The following TRAPPC9 variants were observed in gnomAD, a reference collection of about 807,000 sequenced individuals.
TRAPPC9 encodes IKK2 binding protein.
TRAPPC9 carries 83 observed loss-of-function variants against 124.0 expected under a neutral mutation model. The ratio of observed to expected loss-of-function variants is 0.67; its 90% CI spans 0.56 to 0.80. The LOEUF (loss-of-function observed/expected upper bound fraction) is 0.80. TRAPPC9 is among the 30% of genes least tolerant of loss of function. The pLI is 0.00. For synonymous variants in TRAPPC9, 638 were observed against 617.5 expected (o/e 1.03, Z -0.49); for missense variants, 1,302 against 1,508.3 (o/e 0.86, Z 2.27).
intron 13 of TRAPPC9, among the ~76,000 whole-genome samples, 168 bp downstream of exon 13, chr8:140,287,440 C>G (rs139973222): frequency 2.0e-5 from 3 of 152,090 alleles, no homozygotes; most frequent in African/African-American, 7.2e-5. Flanking sequence ...CCACACATCC[C>G]GCACCCCACG....
Position 139,742,331 on chromosome 8 carries a change from G to A in TRAPPC9, c.3056-10129C>T, listed in dbSNP as rs929984396. Among the ~76,000 whole-genome samples the A allele has an allele frequency of 6.6e-6, 1 of 152,212 alleles. No homozygotes were observed. Among genetic ancestry groups the A allele is most frequent in the Non-Finnish European group, 1.5e-5 (1 of 68,048 alleles). ...AGCCCAGCTTCGCCCCACCAGCCTGGGACAGCTGTTTGGAATGGCCCTTCT... is the reference window on the plus strand; with the variant it reads ...AGCCCAGCTTCGCCCCACCAGCCTGAGACAGCTGTTTGGAATGGCCCTTCT... On this transcript the variant is annotated intron_variant, in intron 21 of 22. Coordinates refer to ENST00000438773, the MANE Select transcript of TRAPPC9 (RefSeq NM_001160372.4). The surrounding 1 kb of genome is among the most constrained non-coding windows in gnomAD (Gnocchi z 4.7).
At chr8:140,242,236 T>A (rs1018857721) in intron 16 of TRAPPC9, among the ~76,000 whole-genome samples, 1 of 152,068 alleles carries the variant, frequency 6.6e-6, no homozygotes, top group Non-Finnish European at 1.5e-5. Context: ...GAGAAAACTG[T>A]AAGACACACC....
At chr8:139,804,345 C>T (rs951697042) in intron 21 of TRAPPC9, among the ~76,000 whole-genome samples, 4 of 138,326 alleles carry the variant, frequency 2.9e-5, no homozygotes, top group African/African-American at 1.1e-4. Context: ...CCACCACCAC[C>T]GCCACCAAGC....
intron 17 of TRAPPC9, among the ~76,000 whole-genome samples, chr8:140,172,828 C>T (rs535866351): frequency 1.0e-3 from 154 of 152,274 alleles, no homozygotes; most frequent in African/African-American, 3.6e-3. Context: ...AACTGTGATT[C>T]GGTGAGATTC....
At chr8:140,214,255 C>A (rs1234810680) in intron 17 of TRAPPC9, among the ~76,000 whole-genome samples, 1 of 152,210 alleles carries the variant, frequency 6.6e-6, no homozygotes, top group African/African-American at 2.4e-5. Context: ...ATATCCAACT[C>A]AGAGGGTAGA....
chr8:139,889,614 G>A (rs1429398630), intron 20 of TRAPPC9, among the ~76,000 whole-genome samples: 1 of 152,204 alleles, frequency 6.6e-6, no homozygotes, highest in Non-Finnish European at 1.5e-5. Context: ...TCCTGAGCTG[G>A]ACACTGAAGC....
intron 13 of TRAPPC9, 137 bp downstream of exon 13, chr8:140,287,471 C>G: frequency 2.4e-6 from 3 of 1,248,008 alleles, no homozygotes; most frequent in Non-Finnish European, 2.3e-6. Context: ...TTTCATGCTT[C>G]CCAAAGAGAC....
chr8:140,329,258 T>C (rs1384793131), intron 9 of TRAPPC9, among the ~76,000 whole-genome samples: 1 of 152,128 alleles, frequency 6.6e-6, no homozygotes. Flanking sequence ...TGAGATCTTC[T>C]GGAAAGAAAA....
chr8:140,452,084 G>A (rs538062514), intron 1 of TRAPPC9, among the ~76,000 whole-genome samples: 9 of 150,036 alleles, frequency 6.0e-5, no homozygotes, highest in Non-Finnish European at 1.0e-4. Context: ...TTGCGCCACT[G>A]CACTCCAGCC....
chr8:140,210,057 C>T (rs1247134125), intron 17 of TRAPPC9, among the ~76,000 whole-genome samples: 1 of 152,220 alleles, frequency 6.6e-6, no homozygotes, highest in African/African-American at 2.4e-5. Flanking sequence ...TAAACACTGT[C>T]ACCGCGCTAA....
At chr8:139,787,888 T>G (rs1021121132) in intron 21 of TRAPPC9, among the ~76,000 whole-genome samples, 5 of 152,060 alleles carry the variant, frequency 3.3e-5, no homozygotes, top group African/African-American at 7.2e-5. Context: ...AAATCTTGAT[T>G]GGGCCTGTCT....
At chr8:140,088,677 A>T (rs1160025353) in intron 17 of TRAPPC9, among the ~76,000 whole-genome samples, 2 of 152,230 alleles carry the variant, frequency 1.3e-5, no homozygotes, top group African/African-American at 2.4e-5. Context: ...CAACTACGCT[A>T]CTTCCTCAGG....
At position 140,131,485 on chromosome 8, in the gene TRAPPC9, C is replaced by A. The variant is rs549663623; in HGVS notation, c.2556+89974G>T. ...CCCTGAGGAAGAAAAGAGATGAGCA[C>A]GAACCTCCAACTACATCCAGAGAAT... is the stretch of plus-strand genomic sequence containing the variant. On this transcript the variant is annotated intron_variant, in intron 17 of 22. Transcript: ENST00000438773. Among the ~76,000 whole-genome samples, 296 of 152,320 alleles carry A rather than the reference C, an allele frequency of 1.9e-3. 1 individual carries two copies. Among genetic ancestry groups the A allele is most frequent in the Non-Finnish European group, 1.9e-3 (130 of 68,032 alleles).
At chr8:139,944,514 C>T (rs1468718790) in intron 19 of TRAPPC9, among the ~76,000 whole-genome samples, 1 of 152,094 alleles carries the variant, frequency 6.6e-6, no homozygotes, top group African/African-American at 2.4e-5. Flanking sequence ...ACAATAATAA[C>T]TTTAAATAGA....
intron 21 of TRAPPC9, among the ~76,000 whole-genome samples, chr8:139,744,364 C>T (rs954078102): frequency 6.6e-6 from 1 of 152,158 alleles, no homozygotes; most frequent in African/African-American, 2.4e-5. Context: ...TTTCCACCAC[C>T]CCTTCCCCGC....
intron 17 of TRAPPC9, among the ~76,000 whole-genome samples, chr8:140,031,019 A>G (rs144071228): frequency 6.6e-6 from 1 of 152,322 alleles, no homozygotes; most frequent in Non-Finnish European, 1.5e-5. Flanking sequence ...ACACTCAGTA[A>G]AGTTGATTTT....
intron 21 of TRAPPC9, among the ~76,000 whole-genome samples, chr8:139,804,371 C>A (rs1823837911): frequency 7.6e-6 from 1 of 131,100 alleles, no homozygotes. Context: ...CACCACCACT[C>A]ACCACCACCA....
At chr8:139,780,338 A>T (rs931841143) in intron 21 of TRAPPC9, among the ~76,000 whole-genome samples, 1 of 152,226 alleles carries the variant, frequency 6.6e-6, no homozygotes, top group Non-Finnish European at 1.5e-5. Flanking sequence ...AGAAACAAAC[A>T]GATCACGGGA....
At chr8:140,079,457 A>G (rs1220456135) in intron 17 of TRAPPC9, among the ~76,000 whole-genome samples, 1 of 152,138 alleles carries the variant, frequency 6.6e-6, no homozygotes, top group East Asian at 1.9e-4. Context: ...AAGTGCCTCC[A>G]GGACCAGAGA....
Sources: allele counts gnomAD v4.1 joint callset (sites outside exome capture counted in the v4.1 genomes callset), GRCh38; gene constraint gnomAD v4.1.1; non-coding constraint Gnocchi (gnomAD v3.1); transcripts MANE v1.5; gene names NCBI Gene and HGNC (gene_info 2026-07-23, HGNC 2026-07-21).